Variants in NOC2L observed in about 807,000 individuals in gnomAD.
NOC2L encodes the protein nucleolar complex protein 2 homolog.
NOC2L carries 101 observed loss-of-function variants against 94.2 expected under a neutral mutation model. The observed-to-expected ratio is 1.07, with a 90% CI of 0.91 to 1.26. The LOEUF is 1.26. Ranked by LOEUF, NOC2L falls within the 50% of genes most tolerant of loss-of-function variation. NOC2L has a pLI of 0.00. For missense variants in NOC2L, 1,076 were observed against 980.1 expected (o/e 1.10, Z -1.31); for synonymous variants, 531 against 413.4 (o/e 1.28, Z -3.45).
At chr1:948,280 TGGGCACTCA>T in intron 13 of NOC2L, 48 bp from the exon 14 acceptor site, 1 of 1,467,932 alleles carries the variant, frequency 6.8e-7, no homozygotes, top group Non-Finnish European at 9.3e-7. Flanking sequence ...AGGCTGGGGC[TGGGCACTCA>T]GGCCCCTTCC....
intron 16 of NOC2L, 107 bp downstream of exon 16, chr1:946,066 C>T (rs913580454): frequency 2.0e-5 from 17 of 848,094 alleles, no homozygotes; most frequent in African/African-American, 1.2e-4. Flanking sequence ...CGGCCCTGGC[C>T]GCCTGGCACT....
Position 946,550 on chromosome 1 carries a change from G to A in NOC2L, c.1660-5C>T, listed in dbSNP as rs200989028. 695 of 1,610,290 alleles carry A rather than the reference G, an allele frequency of 4.3e-4. 4 individuals carry two copies. Among genetic ancestry groups the A allele is most frequent in the Non-Finnish European group, 5.3e-4 (629 of 1,177,776 alleles). ...CTCCCGGAGGAACGACTTCAGCTGC[G>A]GAAGGGAGGGGTCAGCCACTGAAGC... On this transcript the variant is annotated splice_polypyrimidine_tract_variant and splice_region_variant and intron_variant, in intron 14 of 18. Coordinates refer to ENST00000327044, the MANE Select transcript of NOC2L (RefSeq NM_015658.4).
At chr1:946,934 G>A (rs1028528585) in intron 14 of NOC2L, 1 of 180,014 alleles carries the variant, frequency 5.6e-6, no homozygotes, top group Non-Finnish European at 1.2e-5. Context: ...GTGGGCGCCT[G>A]TAAACCCAGC....
chr1:944,441 G>C lies in NOC2L; in HGVS notation c.*253C>G. 1.0e-6 allele frequency: 1 copy of C among 953,840 alleles called. No homozygotes were observed. The highest frequency in any genetic ancestry group is 1.5e-6 in the Non-Finnish European group (1 of 687,486). The allele number at this position is 953,840 out of a possible 1,614,324, so 59.1% of individuals were successfully genotyped here. A position where few individuals can be genotyped will look rare whatever the true frequency, so the allele number is the denominator to read the frequency against. On this transcript the variant is annotated 3_prime_UTR_variant, in exon 19 of 19. Coordinates refer to ENST00000327044, the MANE Select transcript of NOC2L (RefSeq NM_015658.4). ...CTGGGACTGGTCTCGGTCTGCTGAC[G>C]TCAGGGTCAGCTCCCCCGCGGAGCT...
chr1:955,853 C>T (rs565500625), intron 6 of NOC2L, 70 bp downstream of exon 6: 1 of 1,330,300 alleles, frequency 7.5e-7, no homozygotes, highest in African/African-American at 1.4e-5. Flanking sequence ...GCCACAAGGC[C>T]TCTGGCTTCT....
At chr1:955,885 C>A in intron 6 of NOC2L, 38 bp downstream of exon 6, 1 of 1,540,596 alleles carries the variant, frequency 6.5e-7, no homozygotes, top group Non-Finnish European at 9.0e-7. Flanking sequence ...TCCCGACCCA[C>A]CTTCCACCCT....
At position 952,605 on chromosome 1, in the gene NOC2L, G is replaced by C; in HGVS notation, c.1003-5C>G. 1 of 1,613,462 alleles carries C rather than the reference G, an allele frequency of 6.2e-7. No individual in the cohort carries two copies. Among genetic ancestry groups the C allele is most frequent in the Non-Finnish European group, 8.5e-7 (1 of 1,179,970 alleles). On this transcript the variant is annotated splice_region_variant and splice_polypyrimidine_tract_variant and intron_variant, in intron 9 of 18. Transcript: ENST00000327044. ...CACATACGTGATGTACATTTGCTGC[G>C]GAGAGACCCGGGTCAGAGCCACCTG...
chr1:951,624 C>A (rs1457038338), intron 11 of NOC2L, among the ~76,000 whole-genome samples: 1 of 152,226 alleles, frequency 6.6e-6, no homozygotes, highest in Non-Finnish European at 1.5e-5. Context: ...CAGCCCCTAC[C>A]GTGCCTGGAC....
intron 2 of NOC2L, chr1:958,529 C>T: frequency 5.1e-6 from 2 of 389,778 alleles, no homozygotes; most frequent in East Asian, 1.4e-4. Flanking sequence ...GCATTACAGG[C>T]GTGAGCCACC....
At chr1:950,188 C>T (rs181740438) in intron 12 of NOC2L, among the ~76,000 whole-genome samples, 25 of 140,404 alleles carry the variant, frequency 1.8e-4, no homozygotes, top group Non-Finnish European at 2.0e-4. Flanking sequence ...ATGCATGCAC[C>T]CAAGTGTACA....
chr1:949,090 C>T lies in NOC2L; in HGVS notation c.1444-487G>A, dbSNP rs575577126. Among the ~76,000 whole-genome samples the T allele has an allele frequency of 5.3e-5, 8 of 152,138 alleles. No individual in the cohort carries two copies. In the South Asian group the frequency reaches 1.2e-3, roughly 24 times the overall value. On this transcript the variant is annotated intron_variant, in intron 12 of 18. Transcript: ENST00000327044. ...CACAGGACGGGACAGATGGAGGTCA[C>T]GGGAGGCCTGGGGGGCCCCTCCCAC...
At position 959,001 on chromosome 1, in the gene NOC2L, G is replaced by C; in HGVS notation, c.107C>G (p.Pro36Arg). 4 of 1,612,722 alleles carry C rather than the reference G, an allele frequency of 2.5e-6. No homozygotes were observed. The highest frequency in any genetic ancestry group is 3.4e-6 in the Non-Finnish European group (4 of 1,179,932). ...GCGTGCTTCCCGTGTCTCCGCTTGT[G>C]GAGAATTTTCGGACTCGGATTCGGA... ...SESESESENSPQAETREAREA... is the reference protein window; with the variant it reads ...SESESESENSRQAETREAREA... The change falls in exon 2 of 19, where the codon CCA (proline) becomes CGA (arginine). Residue 36 changes from proline (P) to arginine (R), a missense_variant. This residue lies in a region of NOC2L where 457 missense variants were observed against 386.0 expected (regional missense o/e 1.18). Coordinates refer to ENST00000327044, the MANE Select transcript of NOC2L (RefSeq NM_015658.4).
intron 2 of NOC2L, chr1:958,000 T>A (rs562537456): frequency 6.6e-6 from 1 of 152,568 alleles, no homozygotes; most frequent in East Asian, 1.9e-4. Flanking sequence ...CCCTACTGTC[T>A]GTGTGGCCTC....
chr1:944,604 C>T lies in NOC2L; in HGVS notation c.*90G>A, dbSNP rs1642033945. ...GTGTCTACTGCCTCCCCCAACTGCA[C>T]AGACGCCAGCCTCTAGGCCTGACTG... On this transcript the variant is annotated 3_prime_UTR_variant, in exon 19 of 19. Transcript: ENST00000327044. 2.5e-6 allele frequency: 2 copies of T among 784,686 alleles called. No homozygotes were observed. The highest frequency in any genetic ancestry group is 1.6e-5 in the South Asian group (1 of 62,822). The allele number at this position is 784,686 out of a possible 1,614,324, so 48.6% of individuals were successfully genotyped here. A position where few individuals can be genotyped will look rare whatever the true frequency, so the allele number is the denominator to read the frequency against.
intron 11 of NOC2L, 112 bp downstream of exon 11, chr1:951,887 AG>A (rs2100388173): frequency 8.2e-7 from 1 of 1,225,556 alleles, no homozygotes; most frequent in African/African-American, 1.5e-5. Context: ...AGGGACGGCC[AG>A]GACACAGACT....
rs1434709766 is a variant in NOC2L, at chr1:955,922, CCTG to C, written c.696_698del (p.Ser232del). On this transcript the variant is annotated inframe_deletion and splice_region_variant, in exon 6 of 19. Coordinates refer to ENST00000327044, the MANE Select transcript of NOC2L (RefSeq NM_015658.4). Reference sequence around the variant, plus strand: ...CCCCCCTTCACCCCCTCCCCTCTTACCTGCTGCTATCCTTTGCCACCTTTCCAA... The same window carrying C: ...CCCCCCTTCACCCCCTCCCCTCTTACCTGCTATCCTTTGCCACCTTTCCAA... 5 of 1,512,658 alleles carry C rather than the reference CCTG, an allele frequency of 3.3e-6. No homozygotes were observed. Among genetic ancestry groups the C allele is most frequent in the Non-Finnish European group, 4.6e-6 (5 of 1,090,572 alleles). The allele number at this position is 1,512,658 out of a possible 1,614,324, so 93.7% of individuals were successfully genotyped here.
chr1:949,091 G>A (rs958454114), intron 12 of NOC2L, among the ~76,000 whole-genome samples: 5 of 152,100 alleles, frequency 3.3e-5, no homozygotes, highest in Non-Finnish European at 7.4e-5. Context: ...TGGAGGTCAC[G>A]GGAGGCCTGG....
intron 18 of NOC2L, 76 bp from the exon 19 acceptor site, chr1:944,876 A>G (rs1188118694): frequency 3.1e-6 from 4 of 1,308,978 alleles, no homozygotes; most frequent in Non-Finnish European, 4.2e-6. Context: ...CTCATCACTA[A>G]TTAATCACGG....
In NOC2L at chr1:946,383, A is replaced by G. The variant is rs1404040809; in HGVS notation, c.1803+19T>C. On this transcript the variant is annotated intron_variant, in intron 15 of 18. Coordinates refer to ENST00000327044, the MANE Select transcript of NOC2L (RefSeq NM_015658.4). ...CTGGCAGGTGCCCTCAGGTGGCACT[A>G]CCCCCAGGGCCCACTAACCACTGCC... 2 of 1,613,126 alleles carry G rather than the reference A, an allele frequency of 1.2e-6. No homozygotes were observed. Among genetic ancestry groups the G allele is most frequent in the Non-Finnish European group, 1.7e-6 (2 of 1,179,920 alleles).
Sources: allele counts gnomAD v4.1 joint callset (sites outside exome capture counted in the v4.1 genomes callset), GRCh38; gene constraint gnomAD v4.1.1; regional missense constraint gnomAD v4.1.1; transcripts MANE v1.5; gene names NCBI Gene and HGNC (gene_info 2026-07-23, HGNC 2026-07-21).